GNAS-AS1: variants seen among roughly 807,000 people sequenced by gnomAD.
GNAS-AS1 encodes GNAS antisense RNA 1.
intron 2 of GNAS-AS1, among the ~76,000 whole-genome samples, chr20:58,846,908 C>T (rs1301640234): frequency 1.3e-5 from 2 of 152,194 alleles, no homozygotes; most frequent in African/African-American, 2.4e-5. Context: ...ATTTACCTTC[C>T]GAGATTCCCT....
rs2085857548 is a variant in GNAS-AS1 at position 58,844,297 on chromosome 20, G to A, written n.414-1752C>T. On this transcript the variant is annotated intron_variant and non_coding_transcript_variant, in intron 2 of 4. Transcript: ENST00000424094. ...TAAGCTTCCAGGCCAGTGATGTCAT[G>A]TGCTGGCTCAACTGCTGCTCTTCTC... 3.9e-5 allele frequency among the ~76,000 whole-genome samples: 6 copies of A among 152,312 alleles called. 1 individual carries two copies. In the South Asian group the frequency reaches 1.2e-3, roughly 32 times the overall value.
chr20:58,846,678 C>T (rs1400064087), intron 2 of GNAS-AS1, among the ~76,000 whole-genome samples: 9 of 152,242 alleles, frequency 5.9e-5, no homozygotes, highest in Non-Finnish European at 7.3e-5. Flanking sequence ...CACGTTTCTT[C>T]TCCCCTCAAC....
intron 4 of GNAS-AS1, among the ~76,000 whole-genome samples, chr20:58,825,398 G>T (rs2085512736): frequency 6.6e-6 from 1 of 152,212 alleles, no homozygotes; most frequent in Admixed American, 6.5e-5. Context: ...CAGGATCAAG[G>T]AGGTGCTCAG....
chr20:58,819,630 G>A (rs747770238), intron 4 of GNAS-AS1, among the ~76,000 whole-genome samples: 1 of 152,122 alleles, frequency 6.6e-6, no homozygotes. Flanking sequence ...CAAGAACAGA[G>A]GGCAAGAAGC....
chr20:58,839,798 CGA>C, intron 4 of GNAS-AS1: 1 of 578,408 alleles, frequency 1.7e-6, no homozygotes, highest in Non-Finnish European at 3.1e-6. Context: ...GCACCTCTCT[CGA>C]GTCTTAGGCT....
chr20:58,823,217 A>T (rs947661941), intron 4 of GNAS-AS1, among the ~76,000 whole-genome samples: 2 of 152,230 alleles, frequency 1.3e-5, no homozygotes, highest in Admixed American at 1.3e-4. Flanking sequence ...GCCTTGGCGT[A>T]TAGAACCTAA....
intron 4 of GNAS-AS1, among the ~76,000 whole-genome samples, chr20:58,831,889 C>T (rs2085570764): frequency 6.6e-6 from 1 of 152,136 alleles, no homozygotes; most frequent in Admixed American, 6.5e-5. Context: ...ATCAAAAGTC[C>T]CTCCCCTGAA....
intron 3 of GNAS-AS1, chr20:58,842,317 C>G (rs552233617): frequency 2.5e-6 from 1 of 397,842 alleles, no homozygotes; most frequent in Admixed American, 4.4e-5. Flanking sequence ...TTTGCGCCGG[C>G]TTAATTATAC....
At chr20:58,831,759 A>C (rs932395880) in intron 4 of GNAS-AS1, among the ~76,000 whole-genome samples, 9 of 152,166 alleles carry the variant, frequency 5.9e-5, no homozygotes, top group Admixed American at 4.6e-4. Context: ...ATTTTCAAAG[A>C]CTCTAAAATC....
Position 58,841,839 on chromosome 20 carries a change from A to G in GNAS-AS1, n.819+98T>C. 8.1e-7 allele frequency: 1 copy of G among 1,230,832 alleles called. No homozygotes were observed. The highest frequency in any genetic ancestry group is 1.0e-6 in the Non-Finnish European group (1 of 987,928). The allele number at this position is 1,230,832 out of a possible 1,614,324, so 76.2% of individuals were successfully genotyped here. ...AGACGTCCTGGGCTGTTTGCGCAGG[A>G]CCTCTGGAGGCCCTCGAGATCGTCG... On this transcript the variant is annotated intron_variant and non_coding_transcript_variant, in intron 4 of 4. Coordinates refer to ENST00000424094, the Ensembl canonical transcript of GNAS-AS1. This position sits in a 1 kb window ranked among gnomAD's most constrained non-coding sequence, Gnocchi z 5.0.
At position 58,840,045 on chromosome 20, in the gene GNAS-AS1, C is replaced by A. The variant is rs947775276; in HGVS notation, n.819+1892G>T. Reference sequence around the variant, plus strand: ...TTTCCCGGCTCCAGCAGCCAATGTGCTTCGGAGCCACTCTCTGCAGAGCCA... The same window carrying A: ...TTTCCCGGCTCCAGCAGCCAATGTGATTCGGAGCCACTCTCTGCAGAGCCA... On this transcript the variant is annotated intron_variant and non_coding_transcript_variant, in intron 4 of 4. Coordinates refer to ENST00000424094, the Ensembl canonical transcript of GNAS-AS1. This position sits in a 1 kb window ranked among gnomAD's most constrained non-coding sequence, Gnocchi z 6.0. The A allele has an allele frequency of 8.2e-6, 13 of 1,579,902 alleles. No individual in the cohort carries two copies. The highest frequency in any genetic ancestry group is 1.0e-5 in the Non-Finnish European group (12 of 1,158,558).
intron 2 of GNAS-AS1, among the ~76,000 whole-genome samples, chr20:58,845,904 G>A (rs1374305550): frequency 1.3e-5 from 2 of 152,316 alleles, no homozygotes; most frequent in East Asian, 3.9e-4. Flanking sequence ...AAATGGGGAG[G>A]CTGCCTTCCC....
chr20:58,821,091 C>T (rs561509700), intron 4 of GNAS-AS1, among the ~76,000 whole-genome samples: 16 of 152,342 alleles, frequency 1.1e-4, no homozygotes, highest in African/African-American at 2.2e-4. Flanking sequence ...CAGGGCTTCC[C>T]GCTGCACTTG....
intron 2 of GNAS-AS1, among the ~76,000 whole-genome samples, chr20:58,848,047 T>C (rs1479955671): frequency 6.6e-6 from 1 of 152,232 alleles, no homozygotes; most frequent in Non-Finnish European, 1.5e-5. Flanking sequence ...ATTCTTTCTA[T>C]TGGGGGTTCC....
intron 2 of GNAS-AS1, among the ~76,000 whole-genome samples, chr20:58,845,914 C>A (rs2085924504): frequency 6.6e-6 from 1 of 152,228 alleles, no homozygotes. Flanking sequence ...GCTGCCTTCC[C>A]AGCTCCCACT....
rs2085652349 is a variant in GNAS-AS1, at chr20:58,839,781, G to A, written n.819+2156C>T. The A allele has an allele frequency of 5.3e-6, 3 of 567,444 alleles. No individual in the cohort carries two copies. In the East Asian group the frequency reaches 8.7e-5, roughly 16 times the overall value. The allele number at this position is 567,444 out of a possible 1,614,324, so 35.2% of individuals were successfully genotyped here. A position where few individuals can be genotyped will look rare whatever the true frequency, so the allele number is the denominator to read the frequency against. ...CTGTCCTCTCCCAGGCAAGAGGACC[G>A]GCGGAGGCACCTCTCTCGAGTCTTA... On this transcript the variant is annotated intron_variant and non_coding_transcript_variant, in intron 4 of 4. Coordinates refer to ENST00000424094, the Ensembl canonical transcript of GNAS-AS1.
intron 4 of GNAS-AS1, among the ~76,000 whole-genome samples, chr20:58,830,357 C>A: frequency 7.0e-6 from 1 of 143,296 alleles, no homozygotes; most frequent in African/African-American, 2.6e-5. Context: ...ACACCACCAT[C>A]ACCACCACCA....
chr20:58,826,155 G>A (rs1202012686), intron 4 of GNAS-AS1: 11 of 398,488 alleles, frequency 2.8e-5, no homozygotes, highest in Non-Finnish European at 1.3e-5. Flanking sequence ...AAAATAGTGG[G>A]AGAAGGGAAG....
intron 4 of GNAS-AS1, among the ~76,000 whole-genome samples, chr20:58,824,309 A>G (rs561033184): frequency 5.2e-5 from 8 of 152,402 alleles, no homozygotes; most frequent in African/African-American, 1.7e-4. Context: ...GAAAATTTCC[A>G]TAACAACAAG....
Sources: gnomAD v4.1 joint callset for allele counts (sites outside exome capture counted in the v4.1 genomes callset) on GRCh38, gnomAD v4.1.1 for gene constraint, Gnocchi (gnomAD v3.1) non-coding constraint, MANE v1.5 for transcripts, NCBI Gene and HGNC (gene_info 2026-07-23, HGNC 2026-07-21) for gene names.